The following PTPRM variants were observed in gnomAD, a reference collection of about 807,000 sequenced individuals.
PTPRM encodes the protein protein tyrosine phosphatase receptor type M.
Under a neutral mutation model 186.7 loss-of-function variants are expected in PTPRM, and 47 were observed. The ratio of observed to expected loss-of-function variants is 0.25; its 90% CI spans 0.20 to 0.32. PTPRM has a LOEUF of 0.32. Among genes scored for constraint, PTPRM ranks in the 10% least tolerant of loss-of-function variants. The pLI is 1.00. For synonymous variants in PTPRM, 668 were observed against 674.9 expected, an observed-to-expected ratio of 0.99 and a Z score of 0.16; for missense variants, 1,494 against 1,865.0, an observed-to-expected ratio of 0.80 and a Z score of 3.66.
chr18:8,313,102 T>C (rs1447420678), intron 20 of PTPRM, among the ~76,000 whole-genome samples: 4 of 152,186 alleles, frequency 2.6e-5, no homozygotes, highest in Non-Finnish European at 5.9e-5. Flanking sequence ...AAAGGGTCCG[T>C]CATCTGCAGC....
Position 7,711,515 on chromosome 18 carries a change from C to T in PTPRM, c.74-62634C>T, listed in dbSNP as rs566006178. Reference sequence around the variant, plus strand: ...ACTCCCCTGGAAAAGGGGCTGAAGCCAGGGAGCCAAGTGGTCTAGTTCAGT... The same window carrying T: ...ACTCCCCTGGAAAAGGGGCTGAAGCTAGGGAGCCAAGTGGTCTAGTTCAGT... On this transcript the variant is annotated intron_variant, in intron 1 of 32. Transcript: ENST00000580170. Among the ~76,000 whole-genome samples, 558 of 152,268 alleles carry T rather than the reference C, an allele frequency of 3.7e-3. 2 individuals are homozygous for T. The highest frequency in any genetic ancestry group is 0.012 in the African/African-American group (513 of 41,542).
At chr18:7,728,611 A>C (rs2144375751) in intron 1 of PTPRM, among the ~76,000 whole-genome samples, 1 of 152,350 alleles carries the variant, frequency 6.6e-6, no homozygotes, top group South Asian at 2.1e-4. Flanking sequence ...GGGCAGGCAA[A>C]CTGGGGCAGA....
At chr18:7,628,427 C>T (rs59327125) in intron 1 of PTPRM, among the ~76,000 whole-genome samples, 13,157 of 152,194 alleles carry the variant, frequency 0.086, 820 homozygotes, top group South Asian at 0.2. Flanking sequence ...AAGTTTAAAA[C>T]GATAACTTTC....
chr18:7,907,285 G>A (rs1245808064), intron 4 of PTPRM, among the ~76,000 whole-genome samples: 6 of 152,226 alleles, frequency 3.9e-5, no homozygotes, highest in South Asian at 2.1e-4. Flanking sequence ...ACCTGTTATG[G>A]TTTCTAGTCT....
intron 7 of PTPRM, among the ~76,000 whole-genome samples, chr18:8,045,682 A>G (rs1032442072): frequency 3.3e-5 from 5 of 152,136 alleles, no homozygotes; most frequent in Non-Finnish European, 5.9e-5. Context: ...GTTGTGGGAA[A>G]TGGGAGTGAC....
intron 7 of PTPRM, among the ~76,000 whole-genome samples, chr18:7,986,355 G>GTAC (rs1466058103): frequency 3.3e-5 from 5 of 152,188 alleles, no homozygotes; most frequent in Non-Finnish European, 7.4e-5. Context: ...GGAATATTTT[G>GTAC]TACTGTATGG....
intron 2 of PTPRM, among the ~76,000 whole-genome samples, chr18:7,869,998 T>C (rs1488742360): frequency 6.6e-6 from 1 of 152,138 alleles, no homozygotes; most frequent in Non-Finnish European, 1.5e-5. Flanking sequence ...GGTTCTGAAA[T>C]GAAAAGTAAA....
intron 29 of PTPRM, among the ~76,000 whole-genome samples, chr18:8,380,874 C>A (rs1208321076): frequency 5.9e-5 from 9 of 152,094 alleles, no homozygotes; most frequent in Admixed American, 1.3e-4. Flanking sequence ...CCTGGCACAG[C>A]TCACCGGGAG....
intron 1 of PTPRM, among the ~76,000 whole-genome samples, chr18:7,745,954 A>C (rs1253570464): frequency 6.6e-6 from 1 of 152,218 alleles, no homozygotes; most frequent in Non-Finnish European, 1.5e-5. Context: ...AACTGAGTCA[A>C]AGAGAGACAA....
At chr18:8,285,821 G>A (rs1396257873) in intron 19 of PTPRM, among the ~76,000 whole-genome samples, 4 of 151,998 alleles carry the variant, frequency 2.6e-5, no homozygotes, top group Admixed American at 2.6e-4. Flanking sequence ...ATGAAAACCC[G>A]TGTCTATAAA....
intron 7 of PTPRM, among the ~76,000 whole-genome samples, chr18:8,038,607 A>G (rs73385662): frequency 0.049 from 7,439 of 152,146 alleles, 595 homozygotes; most frequent in African/African-American, 0.17. Flanking sequence ...GGCCAGGCTC[A>G]TCTCCAACTC....
intron 14 of PTPRM, among the ~76,000 whole-genome samples, chr18:8,155,226 T>C (rs1298131714): frequency 6.6e-6 from 1 of 152,236 alleles, no homozygotes; most frequent in Non-Finnish European, 1.5e-5. Flanking sequence ...AATAACATGT[T>C]TGACAGAACT....
At chr18:8,402,763 A>G (rs1008713655) in intron 32 of PTPRM, 4 of 152,228 alleles carry the variant, frequency 2.6e-5, no homozygotes, top group Non-Finnish European at 5.9e-5. Flanking sequence ...AAAAGTATCA[A>G]ATCCTGAAAT....
intron 14 of PTPRM, among the ~76,000 whole-genome samples, chr18:8,177,820 A>G (rs2093508744): frequency 6.6e-6 from 1 of 152,174 alleles, no homozygotes; most frequent in African/African-American, 2.4e-5. Context: ...CTGGGGTTGT[A>G]CATATTGGCA....
At chr18:7,852,995 T>C (rs2145956937) in intron 2 of PTPRM, among the ~76,000 whole-genome samples, 1 of 152,366 alleles carries the variant, frequency 6.6e-6, no homozygotes, top group East Asian at 1.9e-4. Context: ...TAGGAAACTT[T>C]ACACTGATAA....
chr18:8,303,315 A>G (rs1266894872), intron 20 of PTPRM, among the ~76,000 whole-genome samples: 1 of 152,058 alleles, frequency 6.6e-6, no homozygotes, highest in Non-Finnish European at 1.5e-5. Flanking sequence ...CCATTTCCTA[A>G]CAACGAGGTG....
intron 5 of PTPRM, among the ~76,000 whole-genome samples, chr18:7,931,967 G>A (rs558020250): frequency 2.6e-5 from 4 of 152,332 alleles, no homozygotes; most frequent in Admixed American, 6.5e-5. Context: ...TGGCATGGGG[G>A]CCACTGCCTT....
At chr18:7,799,614 A>C (rs1362108990) in intron 2 of PTPRM, among the ~76,000 whole-genome samples, 1 of 152,176 alleles carries the variant, frequency 6.6e-6, no homozygotes, top group South Asian at 2.1e-4. Context: ...TAAAGAATAT[A>C]TATAATCTAC....
chr18:8,252,550 T>A, intron 18 of PTPRM, 51 bp downstream of exon 18: 1 of 1,508,658 alleles, frequency 6.6e-7, no homozygotes. Context: ...AGTGGGAGTG[T>A]GTGTCTTACT....
Sources: allele counts gnomAD v4.1 joint callset (sites outside exome capture counted in the v4.1 genomes callset), GRCh38; gene constraint gnomAD v4.1.1; transcripts MANE v1.5; gene names NCBI Gene and HGNC (gene_info 2026-07-23, HGNC 2026-07-21).